Variants in SLC39A11 observed in about 807,000 individuals in gnomAD.
The protein encoded by SLC39A11 is zinc transporter ZIP11.
SLC39A11 carries 33 observed loss-of-function variants against 36.1 expected under a neutral mutation model. The ratio of observed to expected loss-of-function variants is 0.91; its 90% confidence interval spans 0.69 to 1.22. The LOEUF (loss-of-function observed/expected upper bound fraction) is 1.22. Ranked by LOEUF, SLC39A11 falls within the 50% of genes most tolerant of loss-of-function variation. The pLI is 0.00. For synonymous variants in SLC39A11, 166 were observed against 170.3 expected (o/e 0.97, Z 0.20); for missense variants, 432 against 430.3 (o/e 1.00, Z -0.03).
intron 6 of SLC39A11, among the ~76,000 whole-genome samples, chr17:72,785,972 C>T (rs1390897399): frequency 6.6e-6 from 1 of 152,202 alleles, no homozygotes; most frequent in Non-Finnish European, 1.5e-5. Flanking sequence ...GCCCACCCTT[C>T]AGGCTGCTGA....
intron 3 of SLC39A11, among the ~76,000 whole-genome samples, chr17:73,065,107 T>TA (rs1015744465): frequency 3.3e-5 from 5 of 152,014 alleles, no homozygotes; most frequent in Middle Eastern, 3.4e-3. Context: ...ATTGGGTCCT[T>TA]AAAAAAACAA....
intron 6 of SLC39A11, among the ~76,000 whole-genome samples, chr17:72,781,413 GTTT>G (rs976689524): frequency 1.5e-5 from 2 of 136,624 alleles, no homozygotes; most frequent in Non-Finnish European, 3.0e-5. Context: ...GTTTCTTTTG[GTTT>G]TTTTTTTTTC....
intron 7 of SLC39A11, among the ~76,000 whole-genome samples, chr17:72,686,752 C>T (rs2071770775): frequency 1.3e-5 from 2 of 152,154 alleles, no homozygotes. Context: ...AAGAGACTGC[C>T]AGCAGATTCC....
At chr17:72,813,088 T>G (rs1477340008) in intron 6 of SLC39A11, among the ~76,000 whole-genome samples, 1 of 152,238 alleles carries the variant, frequency 6.6e-6, no homozygotes, top group East Asian at 1.9e-4. Context: ...TTGAAGAGAC[T>G]GCCCATAGCT....
intron 6 of SLC39A11, among the ~76,000 whole-genome samples, chr17:72,794,172 C>T (rs1301161853): frequency 6.6e-6 from 1 of 152,122 alleles, no homozygotes; most frequent in Non-Finnish European, 1.5e-5. Flanking sequence ...CTGTACACAG[C>T]TCACAATGGG....
chr17:72,690,998 G>A (rs2072001442), intron 7 of SLC39A11, among the ~76,000 whole-genome samples: 1 of 152,192 alleles, frequency 6.6e-6, no homozygotes, highest in African/African-American at 2.4e-5. Flanking sequence ...ACACTGGGGA[G>A]GGGAAAGTCT....
chr17:72,754,012 G>GTATATATGTATATATATATA (rs2075258858), intron 6 of SLC39A11, among the ~76,000 whole-genome samples: 1 of 51,800 alleles, frequency 1.9e-5, no homozygotes, highest in African/African-American at 8.0e-5. Context: ...ACTGTGATAT[G>GTATATATGTATATATATATA]TATATATGTA....
intron 7 of SLC39A11, among the ~76,000 whole-genome samples, chr17:72,660,017 G>A (rs2070338434): frequency 1.3e-5 from 2 of 152,106 alleles, no homozygotes; most frequent in Admixed American, 6.5e-5. Flanking sequence ...CCACCCCAGG[G>A]GTCCCTATAC....
Position 72,849,623 on chromosome 17 carries a change from C to A in SLC39A11, c.601+11G>T. The A allele has an allele frequency of 6.8e-7, 1 of 1,481,404 alleles. No homozygotes were observed. Among genetic ancestry groups the A allele is most frequent in the Non-Finnish European group, 9.0e-7 (1 of 1,111,390 alleles). 91.8% of individuals were successfully genotyped at this position (1,481,404 alleles called of 1,614,324 possible). A position where few individuals can be genotyped will look rare whatever the true frequency, so the allele number is the denominator to read the frequency against. ...AGGCAGTGGCTGTCACGCTCACGGG[C>A]AAGACCTCACCTGGAACGTTGTGTA... On this transcript the variant is annotated intron_variant, in intron 6 of 9. Coordinates refer to ENST00000255559, the MANE Select transcript of SLC39A11 (RefSeq NM_139177.4).
rs1458283864 is a variant in SLC39A11 at position 72,898,429 on chromosome 17, T to C, written c.431-48625A>G. Among the ~76,000 whole-genome samples the C allele has an allele frequency of 7.9e-5, 12 of 152,324 alleles. No homozygotes were observed. In the South Asian group the frequency reaches 1.9e-3, roughly 24 times the overall value. On this transcript the variant is annotated intron_variant, in intron 5 of 9. Transcript: ENST00000255559. Reference sequence around the variant, plus strand: ...TTAGCACTTTAGAACAGCCCCCAGCTGGTCCCCAGAGGAGGGAAGGCATGA... The same window carrying C: ...TTAGCACTTTAGAACAGCCCCCAGCCGGTCCCCAGAGGAGGGAAGGCATGA...
At chr17:72,869,358 A>G (rs573606576) in intron 5 of SLC39A11, among the ~76,000 whole-genome samples, 2 of 152,332 alleles carry the variant, frequency 1.3e-5, no homozygotes, top group East Asian at 3.9e-4. Flanking sequence ...GGTACTACGA[A>G]TAAGTGGGAA....
intron 5 of SLC39A11, among the ~76,000 whole-genome samples, chr17:72,900,022 GAGAGAGAGAGAGAA>G (rs1164927939): frequency 2.2e-5 from 3 of 133,784 alleles, no homozygotes; most frequent in African/African-American, 3.2e-5. Flanking sequence ...GAGAGAGAAA[GAGAGAGAGAGAGAA>G]AGAGAGAGAG....
chr17:73,060,122 T>C (rs1028670617), intron 3 of SLC39A11, among the ~76,000 whole-genome samples: 12 of 145,870 alleles, frequency 8.2e-5, no homozygotes, highest in African/African-American at 3.1e-4. Context: ...GGCAGGAGAA[T>C]TCGCCTGAAG....
intron 7 of SLC39A11, among the ~76,000 whole-genome samples, chr17:72,732,711 C>T (rs1281846838): frequency 6.6e-6 from 1 of 152,164 alleles, no homozygotes; most frequent in Admixed American, 6.5e-5. Flanking sequence ...CCTCCTTGCC[C>T]CCAGGCATCT....
chr17:72,768,341 C>T (rs1415594969), intron 6 of SLC39A11, among the ~76,000 whole-genome samples: 4 of 152,166 alleles, frequency 2.6e-5, no homozygotes, highest in Non-Finnish European at 5.9e-5. Flanking sequence ...GTTAGCTCAG[C>T]CCAAAAGCCC....
intron 5 of SLC39A11, among the ~76,000 whole-genome samples, chr17:72,923,633 C>T (rs1341047822): frequency 6.6e-6 from 1 of 152,096 alleles, no homozygotes; most frequent in Admixed American, 6.6e-5. Flanking sequence ...TTGCAATGAA[C>T]GAATGTGTAG....
At chr17:73,059,297 GT>G (rs1231951297) in intron 3 of SLC39A11, among the ~76,000 whole-genome samples, 4 of 152,112 alleles carry the variant, frequency 2.6e-5, no homozygotes, top group African/African-American at 9.7e-5. Context: ...GTTTAAAATT[GT>G]TTTACTTCTT....
At chr17:72,940,046 T>C (rs1360612110) in intron 5 of SLC39A11, among the ~76,000 whole-genome samples, 2 of 152,214 alleles carry the variant, frequency 1.3e-5, no homozygotes, top group East Asian at 1.9e-4. Flanking sequence ...AGATTTGAGA[T>C]GCTCAATATG....
chr17:73,048,417 T>A (rs1418453787), intron 3 of SLC39A11, among the ~76,000 whole-genome samples: 1 of 152,222 alleles, frequency 6.6e-6, no homozygotes, highest in Non-Finnish European at 1.5e-5. Flanking sequence ...TGTACCACAT[T>A]TTCTCCACCC....
Sources: allele counts gnomAD v4.1 joint callset (sites outside exome capture counted in the v4.1 genomes callset), GRCh38; gene constraint gnomAD v4.1.1; transcripts MANE v1.5; gene names NCBI Gene and HGNC (gene_info 2026-07-23, HGNC 2026-07-21).